PCDHA13: variants seen among roughly 807,000 people sequenced by gnomAD.
The protein encoded by PCDHA13 is protocadherin alpha 13.
In PCDHA13, 54 loss-of-function variants were observed where a neutral mutation model predicts 64.8. The observed-to-expected ratio is 0.83, with a 90% CI of 0.67 to 1.04. The LOEUF is 1.04. PCDHA13 is among the 50% of genes least tolerant of loss of function. PCDHA13 has a pLI of 0.00. For synonymous variants in PCDHA13, 587 were observed against 564.4 expected, an observed-to-expected ratio of 1.04 and a Z score of -0.57; for missense variants, 1,248 against 1,254.3, an observed-to-expected ratio of 0.99 and a Z score of 0.08.
chr5:140,898,414 C>T (rs1554187972), intron 1 of PCDHA13, among the ~76,000 whole-genome samples: 1 of 152,170 alleles, frequency 6.6e-6, no homozygotes, highest in Non-Finnish European at 1.5e-5. Flanking sequence ...ATACGGCTAG[C>T]CAGTTTTCCC....
chr5:140,892,058 T>C (rs1417540713), intron 1 of PCDHA13, among the ~76,000 whole-genome samples: 3 of 152,248 alleles, frequency 2.0e-5, no homozygotes, highest in African/African-American at 4.8e-5. Context: ...TCAAATTTAT[T>C]GTTACTTTGT....
chr5:140,885,283 T>C (rs1326439795), intron 1 of PCDHA13, among the ~76,000 whole-genome samples: 2 of 152,298 alleles, frequency 1.3e-5, no homozygotes, highest in Admixed American at 6.5e-5. Context: ...TATATACATA[T>C]ATAGAGAGAG....
intron 1 of PCDHA13, among the ~76,000 whole-genome samples, chr5:140,901,404 G>C (rs1047085666): frequency 6.6e-6 from 1 of 152,166 alleles, no homozygotes; most frequent in East Asian, 1.9e-4. Flanking sequence ...GTGAGAGATA[G>C]GGGTCTAGTT....
chr5:140,971,035 C>T (rs1251023371), intron 1 of PCDHA13, among the ~76,000 whole-genome samples: 1 of 152,098 alleles, frequency 6.6e-6, no homozygotes, highest in African/African-American at 2.4e-5. Flanking sequence ...TTTGAAAGCA[C>T]GTAAAAGGGT....
At chr5:140,984,281 C>G (rs574169465) in intron 3 of PCDHA13, among the ~76,000 whole-genome samples, 32 of 152,336 alleles carry the variant, frequency 2.1e-4, no homozygotes, top group African/African-American at 7.5e-4. Context: ...AATACATTCT[C>G]CCTCCCATTG....
chr5:140,905,880 A>C (rs1485985374), intron 1 of PCDHA13, among the ~76,000 whole-genome samples: 1 of 152,172 alleles, frequency 6.6e-6, no homozygotes, highest in Non-Finnish European at 1.5e-5. Context: ...AGGCCCAACA[A>C]TAGGCCATCT....
At chr5:140,979,244 T>C (rs1214932523) in intron 2 of PCDHA13, among the ~76,000 whole-genome samples, 1 of 152,224 alleles carries the variant, frequency 6.6e-6, no homozygotes, top group African/African-American at 2.4e-5. Context: ...AGAAACAGGC[T>C]GCTATGTATT....
chr5:140,882,727 A>G lies in PCDHA13; in HGVS notation c.459A>G (p.Pro153=), dbSNP rs1554175345. 6.2e-7 allele frequency: 1 copy of G among 1,614,250 alleles called. No individual in the cohort carries two copies. ...AESRPPETRF[P]LDGASDADIG... is the part of the protein sequence containing the mutation. ...CTAGACCTCCGGAAACTCGATTTCC[A>G]CTAGATGGCGCATCCGATGCAGATA... The change falls in exon 1 of 4, where the codon CCA becomes CCG. Residue 153 remains proline, a synonymous_variant. Transcript: ENST00000289272.
chr5:140,904,707 C>T (rs561558058), intron 1 of PCDHA13, among the ~76,000 whole-genome samples: 1 of 152,244 alleles, frequency 6.6e-6, no homozygotes, highest in African/African-American at 2.4e-5. Context: ...TCCCTTTTCA[C>T]CACATTCTGG....
At chr5:140,963,925 T>C (rs1293339875) in intron 1 of PCDHA13, among the ~76,000 whole-genome samples, 1 of 152,230 alleles carries the variant, frequency 6.6e-6, no homozygotes, top group Non-Finnish European at 1.5e-5. Flanking sequence ...CTAAGTAACA[T>C]GTCCATAGCC....
chr5:141,000,163 A>G (rs2097894710), intron 3 of PCDHA13, among the ~76,000 whole-genome samples: 1 of 152,054 alleles, frequency 6.6e-6, no homozygotes, highest in African/African-American at 2.4e-5. Context: ...AAACTATTTG[A>G]TTATTGAGCC....
In PCDHA13 at chr5:140,884,293, G is replaced by A; in HGVS notation, c.2025G>A (p.Ala675=). 2 of 1,613,666 alleles carry A rather than the reference G, an allele frequency of 1.2e-6. No individual in the cohort carries two copies. The highest frequency in any genetic ancestry group is 1.7e-6 in the Non-Finnish European group (2 of 1,179,816). ...TGTCGCTGGTGGAGAGCGGCCAAGCGCCACAGGCTTCGTCGAGGGCGTCGG... is the reference window on the plus strand; with the variant it reads ...TGTCGCTGGTGGAGAGCGGCCAAGCACCACAGGCTTCGTCGAGGGCGTCGG... ...VLLSLVESGQ[A]PQASSRASAG... is the part of the protein sequence containing the mutation. The change falls in exon 1 of 4, where the codon GCG becomes GCA. Residue 675 remains alanine (A), a synonymous_variant. Coordinates refer to ENST00000289272, the MANE Select transcript of PCDHA13 (RefSeq NM_018904.3).
chr5:140,967,748 G>T, intron 1 of PCDHA13: 1 of 1,614,204 alleles, frequency 6.2e-7, no homozygotes, highest in Non-Finnish European at 8.5e-7. Context: ...TTATGAGGAA[G>T]CCTCCTCCTA....
intron 3 of PCDHA13, among the ~76,000 whole-genome samples, chr5:140,988,057 C>T (rs557714672): frequency 6.6e-6 from 1 of 152,188 alleles, no homozygotes; most frequent in Non-Finnish European, 1.5e-5. Context: ...GCACTGTCAA[C>T]ATGAATTTTT....
At position 141,011,014 on chromosome 5, in the gene PCDHA13, C is replaced by T. The variant is rs2098419102; in HGVS notation, c.*1077C>T. On this transcript the variant is annotated 3_prime_UTR_variant, in exon 4 of 4. Coordinates refer to ENST00000289272, the MANE Select transcript of PCDHA13 (RefSeq NM_018904.3). ...CATCTGTATTATATCGGCCACCTGC[C>T]AATCACAGCTTTACTCTTTCAGGTC... 6.5e-6 allele frequency: 1 copy of T among 153,758 alleles called. No individual in the cohort carries two copies. Among genetic ancestry groups the T allele is most frequent in the Admixed American group, 6.5e-5 (1 of 15,286 alleles). 9.5% of individuals were successfully genotyped at this position (153,758 alleles called of 1,614,324 possible).
At chr5:140,958,620 T>C (rs1260968586) in intron 1 of PCDHA13, among the ~76,000 whole-genome samples, 1 of 152,132 alleles carries the variant, frequency 6.6e-6, no homozygotes, top group African/African-American at 2.4e-5. Flanking sequence ...CTAGTCCAGC[T>C]TGAGAGTACT....
intron 1 of PCDHA13, among the ~76,000 whole-genome samples, chr5:140,925,821 T>C (rs1381036851): frequency 1.3e-5 from 2 of 152,136 alleles, no homozygotes; most frequent in African/African-American, 4.8e-5. Context: ...CACGTCTTCT[T>C]TGGGGACGGG....
In PCDHA13 at chr5:140,928,306, C is replaced by T. The variant is rs782598364; in HGVS notation, c.2394+43644C>T. 7.6e-5 allele frequency: 122 copies of T among 1,613,984 alleles called. No individual in the cohort carries two copies. The highest frequency in any genetic ancestry group is 1.8e-4 in the Admixed American group (11 of 60,002). ...TCTAGGCCGAGTGTTTGCCCAGGAC[C>T]CCGACCTGGGGAAGAATGGCCTTGT... is the stretch of plus-strand genomic sequence containing the variant. On this transcript the variant is annotated intron_variant, in intron 1 of 3. Coordinates refer to ENST00000289272, the MANE Select transcript of PCDHA13 (RefSeq NM_018904.3).
chr5:140,974,534 G>A (rs929112962), intron 1 of PCDHA13, among the ~76,000 whole-genome samples: 4 of 151,974 alleles, frequency 2.6e-5, no homozygotes, highest in Admixed American at 1.3e-4. Flanking sequence ...TTTTTGAGAC[G>A]GAGTTTTGCT....
Sources: allele counts gnomAD v4.1 joint callset (sites outside exome capture counted in the v4.1 genomes callset), GRCh38; gene constraint gnomAD v4.1.1; transcripts MANE v1.5; gene names NCBI Gene and HGNC (gene_info 2026-07-23, HGNC 2026-07-21).